RPTOR: variants seen among roughly 807,000 people sequenced by gnomAD.
RPTOR encodes regulatory-associated protein of mTOR.
A neutral mutation model predicts 169.9 loss-of-function variants in RPTOR; 21 were observed. The ratio of observed to expected loss-of-function variants is 0.12; its 90% CI spans 0.09 to 0.18. RPTOR has a LOEUF of 0.18. Ranked by LOEUF, RPTOR falls within the 10% of genes least tolerant of loss-of-function variation. The pLI, the probability that RPTOR is intolerant of heterozygous loss-of-function variation, is 1.00. For missense variants in RPTOR, 1,133 were observed against 1,855.9 expected (o/e 0.61, Z 7.16); for synonymous variants, 732 against 753.2 (o/e 0.97, Z 0.46).
At chr17:80,909,291 G>A (rs1361259526) in intron 21 of RPTOR, among the ~76,000 whole-genome samples, 2 of 151,898 alleles carry the variant, frequency 1.3e-5, no homozygotes, top group East Asian at 1.9e-4. Context: ...GTGTTGCCCA[G>A]GCTGGTCTTG....
In RPTOR at chr17:80,772,426, C is replaced by T. The variant is rs2066853066; in HGVS notation, c.830+18241C>T. Among the ~76,000 whole-genome samples, 4 of 142,162 alleles carry T rather than the reference C, an allele frequency of 2.8e-5. No individual in the cohort carries two copies. In the Admixed American group the frequency reaches 2.8e-4, roughly 10 times the overall value. The allele number at this position is 142,162 out of a possible 152,430, so 93.3% of individuals were successfully genotyped here. A position where few individuals can be genotyped will look rare whatever the true frequency, so the allele number is the denominator to read the frequency against. ...GTGCTGTCCCCAACATGACTGGTTC[C>T]CCCTGTCTCTCCCCCCACATGCCTG... On this transcript the variant is annotated intron_variant, in intron 6 of 33. Transcript: ENST00000306801.
intron 1 of RPTOR, among the ~76,000 whole-genome samples, chr17:80,571,461 C>T (rs1010008023): frequency 2.0e-5 from 3 of 152,148 alleles, no homozygotes; most frequent in Admixed American, 1.3e-4. Context: ...GCACCTTGAT[C>T]CCAGTTACTC....
chr17:80,841,392 T>TGA (rs2143693257), intron 10 of RPTOR, among the ~76,000 whole-genome samples: 1 of 130,058 alleles, frequency 7.7e-6, no homozygotes, highest in African/African-American at 3.1e-5. Flanking sequence ...GCACGGCAGC[T>TGA]CACACCGCAC....
At chr17:80,742,251 G>A (rs554259918) in intron 5 of RPTOR, among the ~76,000 whole-genome samples, 2 of 152,276 alleles carry the variant, frequency 1.3e-5, no homozygotes, top group East Asian at 1.9e-4. Flanking sequence ...TGATGTGTGG[G>A]AGGGAGAGAG....
intron 28 of RPTOR, among the ~76,000 whole-genome samples, chr17:80,955,490 G>A (rs1411727912): frequency 6.6e-6 from 1 of 152,208 alleles, no homozygotes; most frequent in East Asian, 1.9e-4. Flanking sequence ...CTTCCTAACA[G>A]TGAGGAACAA....
At chr17:80,816,793 G>A (rs1462286969) in intron 7 of RPTOR, among the ~76,000 whole-genome samples, 1 of 152,216 alleles carries the variant, frequency 6.6e-6, no homozygotes, top group Non-Finnish European at 1.5e-5. Flanking sequence ...GGAGAGCTTA[G>A]CTAGTGCCAG....
At chr17:80,718,179 C>T (rs12944407) in intron 4 of RPTOR, among the ~76,000 whole-genome samples, 27,039 of 152,158 alleles carry the variant, frequency 0.18, 2,843 homozygotes, top group East Asian at 0.24. Context: ...CTCCAGGTTA[C>T]CTGCCTTTCC....
chr17:80,930,320 G>A (rs371507441), intron 24 of RPTOR, among the ~76,000 whole-genome samples: 1 of 29,446 alleles, frequency 3.4e-5, no homozygotes, highest in African/African-American at 1.0e-4. Context: ...CCCCAGCTCA[G>A]CTCAGCTCAT....
At chr17:80,863,136 C>T (rs558381217) in intron 13 of RPTOR, among the ~76,000 whole-genome samples, 23 of 152,268 alleles carry the variant, frequency 1.5e-4, no homozygotes, top group East Asian at 5.8e-4. Flanking sequence ...CATGTGCCAC[C>T]GGGGAGAAGT....
intron 6 of RPTOR, among the ~76,000 whole-genome samples, chr17:80,780,596 A>C (rs1336182928): frequency 6.6e-6 from 1 of 152,106 alleles, no homozygotes; most frequent in Non-Finnish European, 1.5e-5. Flanking sequence ...TCAGAGCGGA[A>C]CCGTGACCTG....
At chr17:80,610,424 A>G (rs530310787) in intron 1 of RPTOR, among the ~76,000 whole-genome samples, 2 of 152,292 alleles carry the variant, frequency 1.3e-5, no homozygotes, top group African/African-American at 4.8e-5. Context: ...GTTAGTAAGA[A>G]GGTTCAGGGA....
intron 3 of RPTOR, among the ~76,000 whole-genome samples, chr17:80,698,413 GT>G (rs1305144622): frequency 6.6e-6 from 1 of 151,728 alleles, no homozygotes; most frequent in Non-Finnish European, 1.5e-5. Context: ...CCAGCTCCTC[GT>G]TTGCAGAGGT....
chr17:80,789,276 T>C (rs1003277500), intron 6 of RPTOR, among the ~76,000 whole-genome samples: 1 of 152,214 alleles, frequency 6.6e-6, no homozygotes, highest in African/African-American at 2.4e-5. Flanking sequence ...CATTCTAGAT[T>C]CTGTTATTTT....
chr17:80,780,067 G>T (rs1027199191), intron 6 of RPTOR, among the ~76,000 whole-genome samples: 5 of 152,140 alleles, frequency 3.3e-5, no homozygotes, highest in African/African-American at 1.2e-4. Flanking sequence ...CTGGATTTCT[G>T]CTCAGTAGCC....
chr17:80,607,529 C>T (rs905288830), intron 1 of RPTOR, among the ~76,000 whole-genome samples: 2 of 151,744 alleles, frequency 1.3e-5, no homozygotes, highest in Admixed American at 1.3e-4. Flanking sequence ...AGCTATGCCT[C>T]CTTTAAAACT....
chr17:80,893,358 T>C (rs1279515318), intron 19 of RPTOR, among the ~76,000 whole-genome samples: 1 of 142,000 alleles, frequency 7.0e-6, no homozygotes, highest in Non-Finnish European at 1.5e-5. Flanking sequence ...GGTGTGTGTG[T>C]GCTGGGTGTG....
intron 6 of RPTOR, among the ~76,000 whole-genome samples, chr17:80,777,432 T>G (rs2066902175): frequency 6.6e-6 from 1 of 152,194 alleles, no homozygotes. Flanking sequence ...GTCTCTGGTA[T>G]GTCTTCATTC....
intron 1 of RPTOR, among the ~76,000 whole-genome samples, chr17:80,584,360 T>A (rs2065041297): frequency 6.6e-6 from 1 of 150,664 alleles, no homozygotes; most frequent in African/African-American, 2.5e-5. Context: ...TAAAAAAAAA[T>A]GAAAAAATAA....
At chr17:80,914,645 A>G (rs1427491993) in intron 21 of RPTOR, among the ~76,000 whole-genome samples, 1 of 152,322 alleles carries the variant, frequency 6.6e-6, no homozygotes, top group African/African-American at 2.4e-5. Flanking sequence ...CCGGCTGTGC[A>G]CACGCTCGGG....
Sources: allele counts gnomAD v4.1 joint callset (sites outside exome capture counted in the v4.1 genomes callset), GRCh38; gene constraint gnomAD v4.1.1; transcripts MANE v1.5; gene names NCBI Gene and HGNC (gene_info 2026-07-23, HGNC 2026-07-21).